The following DLGAP2 variants were observed in gnomAD, a reference collection of about 807,000 sequenced individuals.
DLGAP2 encodes DLG associated protein 2.
A neutral mutation model predicts 100.3 loss-of-function variants in DLGAP2; 26 were observed. The observed-to-expected ratio is 0.26, with a 90% CI of 0.19 to 0.36. The LOEUF is 0.36. DLGAP2 is among the 10% of genes least tolerant of loss of function. DLGAP2 has a pLI of 1.00. For synonymous variants in DLGAP2, 886 were observed against 630.1 expected (o/e 1.41, Z -6.08); for missense variants, 1,858 against 1,453.2 (o/e 1.28, Z -4.53).
At chr8:1,487,685 T>C (rs1446419427) in intron 3 of DLGAP2, among the ~76,000 whole-genome samples, 6 of 152,230 alleles carry the variant, frequency 3.9e-5, no homozygotes, top group African/African-American at 1.4e-4. Context: ...TCATATGTGA[T>C]TCTCCTGCCT....
At chr8:1,100,841 A>G (rs1302684124) in intron 2 of DLGAP2, among the ~76,000 whole-genome samples, 1 of 152,222 alleles carries the variant, frequency 6.6e-6, no homozygotes, top group Non-Finnish European at 1.5e-5. Flanking sequence ...ATTCAATTTC[A>G]TACAGATGAT....
intron 3 of DLGAP2, among the ~76,000 whole-genome samples, chr8:1,431,317 G>A (rs1467782650): frequency 6.6e-6 from 1 of 152,206 alleles, no homozygotes; most frequent in Non-Finnish European, 1.5e-5. Flanking sequence ...TAAATTTAAT[G>A]TTTAGTAATA....
At chr8:1,518,369 G>A (rs1235598609) in intron 4 of DLGAP2, among the ~76,000 whole-genome samples, 1 of 152,164 alleles carries the variant, frequency 6.6e-6, no homozygotes, top group African/African-American at 2.4e-5. Context: ...TTCTGTGGCT[G>A]TGGCAAACCG....
At chr8:927,864 CA>C (rs1383632315) in intron 2 of DLGAP2, among the ~76,000 whole-genome samples, 5 of 152,156 alleles carry the variant, frequency 3.3e-5, no homozygotes, top group Non-Finnish European at 2.9e-5. Flanking sequence ...TTGCAAAAAA[CA>C]AACAAAAAAA....
chr8:1,150,525 T>C (rs1211308376), intron 2 of DLGAP2, among the ~76,000 whole-genome samples: 1 of 152,236 alleles, frequency 6.6e-6, no homozygotes. Context: ...TCTTTTATAC[T>C]TAAAATTCCC....
chr8:1,554,830 G>T (rs963316806), intron 5 of DLGAP2, among the ~76,000 whole-genome samples: 2 of 151,672 alleles, frequency 1.3e-5, no homozygotes, highest in Non-Finnish European at 2.9e-5. Flanking sequence ...GAAGGCTGGC[G>T]TTGTGGCTTA....
chr8:1,410,125 GC>G (rs561733753), intron 3 of DLGAP2, among the ~76,000 whole-genome samples: 77 of 152,276 alleles, frequency 5.1e-4, no homozygotes, highest in African/African-American at 1.9e-3. Flanking sequence ...GACACCAAGT[GC>G]CCAAGGGGAA....
chr8:1,456,876 CA>C (rs1798331471), intron 3 of DLGAP2, among the ~76,000 whole-genome samples: 1 of 6,506 alleles, frequency 1.5e-4, no homozygotes, highest in African/African-American at 5.2e-4. Flanking sequence ...TCGGTTTTGC[CA>C]GGGAGCTCTG....
At chr8:916,622 G>A (rs1005383828) in intron 2 of DLGAP2, among the ~76,000 whole-genome samples, 1 of 152,018 alleles carries the variant, frequency 6.6e-6, no homozygotes, top group Non-Finnish European at 1.5e-5. Context: ...AAACCTGCAC[G>A]TTGTGCACAT....
At chr8:852,721 A>G (rs928241280) in intron 1 of DLGAP2, among the ~76,000 whole-genome samples, 2 of 152,198 alleles carry the variant, frequency 1.3e-5, no homozygotes, top group Admixed American at 1.3e-4. Flanking sequence ...AGGGTAAAAT[A>G]TCCACCCAAA....
At chr8:900,217 G>T (rs1159900493) in intron 1 of DLGAP2, among the ~76,000 whole-genome samples, 1 of 150,608 alleles carries the variant, frequency 6.6e-6, no homozygotes, top group African/African-American at 2.4e-5. Flanking sequence ...CTCCCGGGCG[G>T]ACGGTGGGCG....
In DLGAP2 at chr8:1,542,267, C is replaced by G. The variant is rs192663696; in HGVS notation, c.173-6359C>G. Among the ~76,000 whole-genome samples, 3 of 152,178 alleles carry G rather than the reference C, an allele frequency of 2.0e-5. No individual in the cohort carries two copies. The East Asian group carries it at 5.8e-4, about 29-fold the overall frequency. Reference sequence around the variant, plus strand: ...GCTTTATGGGGATATAAGTCACACACCATAAAAGTCACGCTTTAGGATGTA... The same window carrying G: ...GCTTTATGGGGATATAAGTCACACAGCATAAAAGTCACGCTTTAGGATGTA... On this transcript the variant is annotated intron_variant, in intron 4 of 14. Transcript: ENST00000637795.
chr8:1,060,110 A>T (rs1308506038), intron 2 of DLGAP2, among the ~76,000 whole-genome samples: 2 of 152,178 alleles, frequency 1.3e-5, no homozygotes, highest in African/African-American at 4.8e-5. Flanking sequence ...TCCCAGGGTC[A>T]GATGTGAACC....
chr8:1,236,971 T>C lies in DLGAP2; in HGVS notation c.74-21880T>C, dbSNP rs1164129642. On this transcript the variant is annotated intron_variant, in intron 2 of 14. Coordinates refer to ENST00000637795, the MANE Select transcript of DLGAP2 (RefSeq NM_001346810.2). ...CGCCGTGTCTAGTTCTCTCACATGG[T>C]GCCGTGTCTAGTTCTCTCTCACACA... Among the ~76,000 whole-genome samples, 18 of 142,298 alleles carry C rather than the reference T, an allele frequency of 1.3e-4. No individual in the cohort carries two copies. The South Asian group carries it at 2.6e-3, about 20-fold the overall frequency. The allele number at this position is 142,298 out of a possible 152,430, so 93.4% of individuals were successfully genotyped here. A position where few individuals can be genotyped will look rare whatever the true frequency, so the allele number is the denominator to read the frequency against.
intron 2 of DLGAP2, among the ~76,000 whole-genome samples, chr8:1,231,246 A>G (rs1017119748): frequency 1.3e-5 from 2 of 152,260 alleles, no homozygotes; most frequent in African/African-American, 4.8e-5. Flanking sequence ...AATGCTCCAT[A>G]TCTCTAATTG....
chr8:1,520,969 C>T (rs986772126), intron 4 of DLGAP2, among the ~76,000 whole-genome samples: 3 of 152,194 alleles, frequency 2.0e-5, no homozygotes, highest in Non-Finnish European at 2.9e-5. Flanking sequence ...TGCACTCCCA[C>T]GGGTAATGAA....
In DLGAP2 at chr8:1,632,748, G is replaced by A. The variant is rs115628832; in HGVS notation, c.1591-79G>A. ...GCAGTGAAAGGCAGCCTGGGAATGA[G>A]CGCGCTCTCCTGGCTTTTCTGTAAC... is the stretch of plus-strand genomic sequence containing the variant. On this transcript the variant is annotated intron_variant, in intron 7 of 14. Transcript: ENST00000637795. 3,122 of 1,407,586 alleles carry A rather than the reference G, an allele frequency of 2.2e-3. 70 individuals carry two copies. In the African/African-American group the frequency reaches 0.04, roughly 18 times the overall value. The allele number at this position is 1,407,586 out of a possible 1,614,324, so 87.2% of individuals were successfully genotyped here.
intron 2 of DLGAP2, among the ~76,000 whole-genome samples, chr8:914,161 G>C (rs570135936): frequency 1.3e-5 from 2 of 152,350 alleles, no homozygotes; most frequent in South Asian, 4.1e-4. Context: ...TGTGCGAACA[G>C]AATTCCATAC....
chr8:1,279,230 T>A (rs982259641), intron 3 of DLGAP2, among the ~76,000 whole-genome samples: 1 of 152,214 alleles, frequency 6.6e-6, no homozygotes, highest in African/African-American at 2.4e-5. Flanking sequence ...AGCGCTAAAG[T>A]CCTTGGATTA....
Sources: allele counts gnomAD v4.1 joint callset (sites outside exome capture counted in the v4.1 genomes callset), GRCh38; gene constraint gnomAD v4.1.1; transcripts MANE v1.5; gene names NCBI Gene and HGNC (gene_info 2026-07-23, HGNC 2026-07-21).